The following DEPDC1B variants were observed in gnomAD, a reference collection of about 807,000 sequenced individuals.
The protein encoded by DEPDC1B is DEP domain-containing protein 1B.
DEPDC1B carries 51 observed loss-of-function variants against 66.5 expected under a neutral mutation model. That is an observed-to-expected ratio of 0.77 (90% CI 0.61 to 0.97). The LOEUF (loss-of-function observed/expected upper bound fraction) is 0.97. Among genes scored for constraint, DEPDC1B ranks in the 50% least tolerant of loss-of-function variants. The pLI, the probability that DEPDC1B is intolerant of heterozygous loss-of-function variation, is 0.00. For missense variants in DEPDC1B, 552 were observed against 637.1 expected, an observed-to-expected ratio of 0.87 and a Z score of 1.44; for synonymous variants, 226 against 223.6, an observed-to-expected ratio of 1.01 and a Z score of -0.10.
intron 6 of DEPDC1B, among the ~76,000 whole-genome samples, chr5:60,639,297 T>C (rs1753132053): frequency 6.6e-6 from 1 of 152,212 alleles, no homozygotes; most frequent in Non-Finnish European, 1.5e-5. Flanking sequence ...TTAGCTCACA[T>C]ATGTAACAGA....
intron 2 of DEPDC1B, among the ~76,000 whole-genome samples, chr5:60,648,347 A>C (rs1584063115): frequency 6.6e-6 from 1 of 152,172 alleles, no homozygotes; most frequent in Admixed American, 6.5e-5. Context: ...CTGCCTTTGG[A>C]AGCCTTAAAC....
chr5:60,642,742 A>G (rs1753219393), intron 6 of DEPDC1B, 70 bp downstream of exon 6: 1 of 1,227,576 alleles, frequency 8.1e-7, no homozygotes. Context: ...GCCATTGAGC[A>G]GAAATTTTTC....
chr5:60,624,902 ACC>A (rs1368003468), intron 7 of DEPDC1B, among the ~76,000 whole-genome samples: 2 of 103,614 alleles, frequency 1.9e-5, no homozygotes, highest in Non-Finnish European at 3.8e-5. Context: ...CCTGCCCCCG[ACC>A]CCCCACACAG....
chr5:60,642,817 G>A lies in DEPDC1B; in HGVS notation c.752C>T (p.Ala251Val). 6.2e-7 allele frequency: 1 copy of A among 1,609,736 alleles called. No homozygotes were observed. The highest frequency in any genetic ancestry group is 8.5e-7 in the Non-Finnish European group (1 of 1,178,532). ...GGCAGATAATTAGTACTTACAATTT[G>A]CCAAACACTTCATAGCTGACAGCAC... The part of the protein sequence containing the change: ...HWVLSAMKCL[A>V]NWPNCSDLKQ... The change falls in exon 6 of 11, where the codon GCA (alanine) becomes GTA (valine). Residue 251 changes from alanine to valine, a missense_variant. By Grantham distance (64) the Ala-to-Val change is moderately conservative (BLOSUM62 0). Coordinates refer to ENST00000265036, the MANE Select transcript of DEPDC1B (RefSeq NM_018369.3).
intron 7 of DEPDC1B, among the ~76,000 whole-genome samples, chr5:60,624,137 G>A (rs1310530194): frequency 1.3e-5 from 2 of 152,048 alleles, no homozygotes; most frequent in Non-Finnish European, 2.9e-5. Flanking sequence ...TTTTCTCACA[G>A]GTACCCTTGA....
intron 2 of DEPDC1B, among the ~76,000 whole-genome samples, chr5:60,676,531 AC>A (rs1457383691): frequency 2.0e-5 from 3 of 152,178 alleles, no homozygotes; most frequent in Non-Finnish European, 4.4e-5. Context: ...AAGAAATTCC[AC>A]CAAATGTATC....
intron 2 of DEPDC1B, among the ~76,000 whole-genome samples, chr5:60,661,155 G>T (rs1256661684): frequency 6.6e-6 from 1 of 152,202 alleles, no homozygotes; most frequent in Admixed American, 6.5e-5. Flanking sequence ...GCTGGGTTAT[G>T]AAATACTCAG....
intron 7 of DEPDC1B, among the ~76,000 whole-genome samples, chr5:60,613,724 C>G (rs1380011312): frequency 1.3e-5 from 2 of 150,814 alleles, no homozygotes; most frequent in African/African-American, 4.9e-5. Context: ...AGTCATTCAA[C>G]AACTATTTCC....
At chr5:60,680,671 G>T (rs1426656801) in intron 2 of DEPDC1B, among the ~76,000 whole-genome samples, 3 of 152,130 alleles carry the variant, frequency 2.0e-5, no homozygotes, top group Non-Finnish European at 4.4e-5. Context: ...AAGTATTTAG[G>T]TTATGTTTCC....
chr5:60,680,737 C>T (rs905881351), intron 2 of DEPDC1B, among the ~76,000 whole-genome samples: 13 of 152,176 alleles, frequency 8.5e-5, no homozygotes, highest in African/African-American at 2.9e-4. Context: ...TCATTTAATA[C>T]GTATTACATG....
At chr5:60,673,203 TCTCTGACTGATTCAAGCAGAGTTAATTC>T (rs1754081198) in intron 2 of DEPDC1B, among the ~76,000 whole-genome samples, 1 of 152,144 alleles carries the variant, frequency 6.6e-6, no homozygotes, top group Admixed American at 6.5e-5. Flanking sequence ...AGCAAACTAT[TCTCTGACTGATTCAAGCAGAGTTAATTC>T]CTCAGCCCTC....
chr5:60,606,609 CAAAAAAAAAA>C (rs60544270), intron 7 of DEPDC1B, among the ~76,000 whole-genome samples: 29 of 46,626 alleles, frequency 6.2e-4, no homozygotes, highest in South Asian at 6.1e-3. Context: ...CCCATTTCTA[CAAAAAAAAAA>C]AAAAAAAAAA....
intron 2 of DEPDC1B, among the ~76,000 whole-genome samples, chr5:60,658,135 C>A (rs369182971): frequency 3.7e-4 from 56 of 152,190 alleles, no homozygotes; most frequent in African/African-American, 1.3e-3. Flanking sequence ...CCTTTATTTC[C>A]AGAAGTTGTG....
chr5:60,683,765 T>C (rs1165449216), intron 2 of DEPDC1B, among the ~76,000 whole-genome samples: 2 of 151,974 alleles, frequency 1.3e-5, no homozygotes, highest in Non-Finnish European at 2.9e-5. Flanking sequence ...ACTAGAGCAA[T>C]TAAGCAAGAG....
At chr5:60,647,310 A>G in intron 3 of DEPDC1B, 88 bp downstream of exon 3, 1 of 1,468,434 alleles carries the variant, frequency 6.8e-7, no homozygotes, top group Non-Finnish European at 9.0e-7. Context: ...ATTATTGTTC[A>G]TAAAGGACCA....
chr5:60,612,639 A>G (rs886842965), intron 7 of DEPDC1B, among the ~76,000 whole-genome samples: 2 of 151,560 alleles, frequency 1.3e-5, no homozygotes, highest in Admixed American at 6.6e-5. Context: ...AGTTTGTAGG[A>G]AAAACACACA....
At chr5:60,664,380 C>A (rs1753789950) in intron 2 of DEPDC1B, among the ~76,000 whole-genome samples, 1 of 152,168 alleles carries the variant, frequency 6.6e-6, no homozygotes, top group Non-Finnish European at 1.5e-5. Context: ...GTGTGGCCAT[C>A]TCATAATGTG....
intron 7 of DEPDC1B, among the ~76,000 whole-genome samples, chr5:60,626,574 C>T (rs866163615): frequency 1.3e-5 from 2 of 152,152 alleles, no homozygotes; most frequent in Non-Finnish European, 2.9e-5. Flanking sequence ...CACATCCTCA[C>T]TAACACTTAT....
In DEPDC1B at chr5:60,638,798, C is replaced by A. The variant is rs758560757; in HGVS notation, c.850G>T (p.Glu284Ter). 6.2e-7 allele frequency: 1 copy of A among 1,612,532 alleles called. No individual in the cohort carries two copies. The highest frequency in any genetic ancestry group is 8.5e-7 in the Non-Finnish European group (1 of 1,179,336). ...AAAAGATGAAATGTAAGTAGAGGCT[C>A]TTTCAAGTGACCATAGTAATCAGCT... ...TIADYYGHLK[E>*]PLLTFHLFDA... Residue 284 changes from glutamate to a stop codon, truncating the protein, a stop_gained, in exon 7 of 11, where the codon GAG becomes TAG. Coordinates refer to ENST00000265036, the MANE Select transcript of DEPDC1B (RefSeq NM_018369.3). LOFTEE classifies it high-confidence loss of function.
Sources: gnomAD v4.1 joint callset for allele counts (sites outside exome capture counted in the v4.1 genomes callset) on GRCh38, gnomAD v4.1.1 for gene constraint, MANE v1.5 for transcripts, NCBI Gene and HGNC (gene_info 2026-07-23, HGNC 2026-07-21) for gene names.